FBXW11: variants seen among roughly 807,000 people sequenced by gnomAD.
FBXW11 encodes the protein F-box and WD repeat domain containing 11.
In FBXW11, 19 loss-of-function variants were observed where a neutral mutation model predicts 77.6. The observed-to-expected ratio is 0.24, with a 90% confidence interval of 0.17 to 0.36. FBXW11 has a LOEUF of 0.36. Ranked by LOEUF, FBXW11 falls within the 10% of genes least tolerant of loss-of-function variation. FBXW11 has a pLI of 1.00. For synonymous variants in FBXW11, 235 were observed against 249.4 expected, an observed-to-expected ratio of 0.94 and a Z score of 0.54; for missense variants, 334 against 704.2, an observed-to-expected ratio of 0.47 and a Z score of 5.95.
intron 2 of FBXW11, among the ~76,000 whole-genome samples, chr5:171,942,019 T>A (rs1234862949): frequency 6.6e-6 from 1 of 151,576 alleles, no homozygotes; most frequent in Non-Finnish European, 1.5e-5. Context: ...GCCATTGAAA[T>A]ATTGCTTTTT....
chr5:172,004,353 T>G lies in FBXW11; in HGVS notation c.45+2105A>C, dbSNP rs187370228. On this transcript the variant is annotated intron_variant, in intron 1 of 13. Coordinates refer to ENST00000517395, the MANE Select transcript of FBXW11 (RefSeq NM_001378974.1). Reference sequence around the variant, plus strand: ...TAATCGTAATATAACTAAACTCTGTTAAATTTTCAAAGAATTCCAGTTTAA... The same window carrying G: ...TAATCGTAATATAACTAAACTCTGTGAAATTTTCAAAGAATTCCAGTTTAA... Among the ~76,000 whole-genome samples, 8 of 152,364 alleles carry G rather than the reference T, an allele frequency of 5.3e-5. No homozygotes were observed. The East Asian group carries it at 1.5e-3, about 29-fold the overall frequency.
chr5:171,960,229 G>A (rs1243177911), intron 1 of FBXW11, among the ~76,000 whole-genome samples: 1 of 152,170 alleles, frequency 6.6e-6, no homozygotes, highest in African/African-American at 2.4e-5. Context: ...TACAAAAGTA[G>A]CCAAGCATGG....
intron 1 of FBXW11, among the ~76,000 whole-genome samples, chr5:172,004,482 C>T (rs970990496): frequency 6.6e-6 from 1 of 152,154 alleles, no homozygotes; most frequent in African/African-American, 2.4e-5. Context: ...CATAGGAAGC[C>T]AGTGAATTTA....
At chr5:171,954,877 A>G (rs1763532320) in intron 2 of FBXW11, among the ~76,000 whole-genome samples, 1 of 152,238 alleles carries the variant, frequency 6.6e-6, no homozygotes, top group African/African-American at 2.4e-5. Flanking sequence ...CAACATGGAA[A>G]ACTACAAAAG....
At chr5:171,995,577 C>A (rs1765992382) in intron 1 of FBXW11, among the ~76,000 whole-genome samples, 1 of 151,990 alleles carries the variant, frequency 6.6e-6, no homozygotes, top group Non-Finnish European at 1.5e-5. Context: ...CACGGTGAAA[C>A]CCCATCTCTA....
chr5:171,957,878 A>G (rs533899678), intron 1 of FBXW11, among the ~76,000 whole-genome samples, 180 bp from the exon 2 acceptor site: 3 of 152,328 alleles, frequency 2.0e-5, no homozygotes, highest in African/African-American at 4.8e-5. Context: ...TTGATGTTCT[A>G]TGGAAAGGAG....
At chr5:171,877,679 C>T (rs1194583841) in intron 8 of FBXW11, among the ~76,000 whole-genome samples, 7 of 151,910 alleles carry the variant, frequency 4.6e-5, no homozygotes, top group African/African-American at 7.3e-5. Context: ...GCAGGGGTGG[C>T]GAAAGAGTCC....
intron 1 of FBXW11, among the ~76,000 whole-genome samples, chr5:171,969,318 G>A (rs1052113464): frequency 2.0e-5 from 3 of 152,142 alleles, no homozygotes; most frequent in Non-Finnish European, 1.5e-5. Context: ...TTTTTCTCCT[G>A]ATGTAATGAA....
In FBXW11 at chr5:171,898,786, A is replaced by G. The variant is rs545377201; in HGVS notation, c.714+218T>C. Among the ~76,000 whole-genome samples the G allele has an allele frequency of 6.7e-4, 102 of 152,332 alleles. No individual in the cohort carries two copies. In the South Asian group the frequency reaches 0.02, roughly 29 times the overall value. ...ACCGGCAGCCTTGCAGAAGCATTTC[A>G]TGTTTTAGAAAAGTTAGATATTCTT... On this transcript the variant is annotated intron_variant, in intron 6 of 13. Coordinates refer to ENST00000517395, the MANE Select transcript of FBXW11 (RefSeq NM_001378974.1).
chr5:171,994,815 A>G (rs1393974671), intron 1 of FBXW11, among the ~76,000 whole-genome samples: 1 of 152,068 alleles, frequency 6.6e-6, no homozygotes, highest in African/African-American at 2.4e-5. Flanking sequence ...AGTCAGGCAG[A>G]TTACTTGAGG....
At chr5:171,993,804 C>T (rs1197519706) in intron 1 of FBXW11, among the ~76,000 whole-genome samples, 1 of 152,030 alleles carries the variant, frequency 6.6e-6, no homozygotes, top group Non-Finnish European at 1.5e-5. Flanking sequence ...AGGACCAGAT[C>T]TAGGATGATG....
chr5:171,878,792 AT>A (rs1758307053), intron 7 of FBXW11, among the ~76,000 whole-genome samples: 1 of 152,026 alleles, frequency 6.6e-6, no homozygotes, highest in African/African-American at 2.4e-5. Context: ...CTGCTTTGTC[AT>A]TTTATTTTTA....
chr5:171,976,137 T>A (rs890492564), intron 1 of FBXW11, among the ~76,000 whole-genome samples: 1 of 152,048 alleles, frequency 6.6e-6, no homozygotes, highest in African/African-American at 2.4e-5. Flanking sequence ...AAAATGATAG[T>A]TGAAGTAACA....
chr5:171,909,710 C>T (rs1468613417), intron 4 of FBXW11, among the ~76,000 whole-genome samples: 1 of 151,826 alleles, frequency 6.6e-6, no homozygotes, highest in Non-Finnish European at 1.5e-5. Context: ...TGTGTGTGCA[C>T]GTGCGCGCGT....
In FBXW11 at chr5:171,904,723, C is replaced by G. The variant is rs950890341; in HGVS notation, c.437-4623G>C. On this transcript the variant is annotated intron_variant, in intron 4 of 13. Coordinates refer to ENST00000517395, the MANE Select transcript of FBXW11 (RefSeq NM_001378974.1). This position sits in a 1 kb window ranked among gnomAD's most constrained non-coding sequence, Gnocchi z 4.0. ...AGTAGCTGGGACTACAGGCGCACAC[C>G]ACCATGCCCAGGTAATTTTTGTATT... Among the ~76,000 whole-genome samples, 1 of 152,094 alleles carries G rather than the reference C, an allele frequency of 6.6e-6. No homozygotes were observed. The highest frequency in any genetic ancestry group is 1.5e-5 in the Non-Finnish European group (1 of 68,030).
At chr5:171,976,933 C>T (rs1764858251) in intron 1 of FBXW11, among the ~76,000 whole-genome samples, 1 of 151,926 alleles carries the variant, frequency 6.6e-6, no homozygotes. Context: ...GTAATCCCAG[C>T]TACCTGGGAG....
chr5:171,865,367 A>G (rs533279730), intron 13 of FBXW11, among the ~76,000 whole-genome samples: 1 of 152,262 alleles, frequency 6.6e-6, no homozygotes, highest in African/African-American at 2.4e-5. Flanking sequence ...AAGATGATAA[A>G]GGGTTGGACA....
intron 1 of FBXW11, among the ~76,000 whole-genome samples, chr5:172,001,556 AT>A: frequency 6.6e-6 from 1 of 152,228 alleles, no homozygotes; most frequent in East Asian, 1.9e-4. Flanking sequence ...TGAGGAGTTT[AT>A]CATTCAACAG....
At chr5:172,003,671 C>G (rs1223973254) in intron 1 of FBXW11, among the ~76,000 whole-genome samples, 1 of 152,176 alleles carries the variant, frequency 6.6e-6, no homozygotes, top group Non-Finnish European at 1.5e-5. Context: ...GAGAAGCAAC[C>G]TGGGTGGACC....
Sources: allele counts gnomAD v4.1 joint callset (sites outside exome capture counted in the v4.1 genomes callset), GRCh38; gene constraint gnomAD v4.1.1; non-coding constraint Gnocchi (gnomAD v3.1); transcripts MANE v1.5; gene names NCBI Gene and HGNC (gene_info 2026-07-23, HGNC 2026-07-21).